The following CDH8 variants were observed in gnomAD, a reference collection of about 807,000 sequenced individuals.
CDH8 encodes cadherin 8.
CDH8 carries 17 observed loss-of-function variants against 68.1 expected under a neutral mutation model. The ratio of observed to expected loss-of-function variants is 0.25; its 90% CI spans 0.17 to 0.37. The LOEUF (loss-of-function observed/expected upper bound fraction) is 0.37. CDH8 is among the 10% of genes least tolerant of loss of function. The probability of loss-of-function intolerance (pLI) is 1.00; values close to 1 mark genes in which losing one functional copy is unlikely to be tolerated. For missense variants in CDH8, 763 were observed against 999.3 expected (o/e 0.76, Z 3.19); for synonymous variants, 372 against 365.1 (o/e 1.02, Z -0.21).
At chr16:61,762,561 G>A (rs1960496909) in intron 8 of CDH8, among the ~76,000 whole-genome samples, 1 of 152,112 alleles carries the variant, frequency 6.6e-6, no homozygotes, top group Admixed American at 6.6e-5. Flanking sequence ...ACTGCAGTAT[G>A]AGTGTTGCTT....
intron 10 of CDH8, among the ~76,000 whole-genome samples, chr16:61,678,931 T>C (rs1051893070): frequency 6.6e-6 from 1 of 152,032 alleles, no homozygotes; most frequent in Non-Finnish European, 1.5e-5. Flanking sequence ...AATACTTACA[T>C]AGACAATGTC....
intron 8 of CDH8, among the ~76,000 whole-genome samples, chr16:61,749,948 G>C (rs1034746166): frequency 5.9e-5 from 9 of 151,952 alleles, no homozygotes; most frequent in Non-Finnish European, 8.8e-5. Flanking sequence ...ACATGTGCAG[G>C]CTTGTTACCT....
At chr16:61,881,667 A>G (rs1429494509) in intron 3 of CDH8, among the ~76,000 whole-genome samples, 1 of 152,262 alleles carries the variant, frequency 6.6e-6, no homozygotes, top group Non-Finnish European at 1.5e-5. Context: ...TTATTGAAAT[A>G]TCACATGCCA....
At chr16:61,687,047 C>T (rs919461160) in intron 10 of CDH8, among the ~76,000 whole-genome samples, 9 of 151,832 alleles carry the variant, frequency 5.9e-5, no homozygotes, top group Admixed American at 3.3e-4. Flanking sequence ...TCCTTTACTA[C>T]GGTACTGTAA....
At chr16:61,706,229 C>G (rs16963871) in intron 10 of CDH8, among the ~76,000 whole-genome samples, 1 of 152,056 alleles carries the variant, frequency 6.6e-6, no homozygotes, top group South Asian at 2.1e-4. Context: ...GAAGCCAATA[C>G]CTGAGTTATT....
intron 8 of CDH8, among the ~76,000 whole-genome samples, chr16:61,754,271 A>C (rs549039880): frequency 1.3e-5 from 2 of 152,314 alleles, no homozygotes; most frequent in South Asian, 4.1e-4. Flanking sequence ...TGAAGGTTAA[A>C]ATCAAAGCCA....
intron 8 of CDH8, among the ~76,000 whole-genome samples, chr16:61,754,864 C>T (rs2142955451): frequency 6.6e-6 from 1 of 152,154 alleles, no homozygotes; most frequent in Non-Finnish European, 1.5e-5. Context: ...TGAATGGCCC[C>T]ATCAACCAGG....
intron 3 of CDH8, among the ~76,000 whole-genome samples, chr16:61,873,014 G>C (rs1241436270): frequency 6.6e-6 from 1 of 152,160 alleles, no homozygotes; most frequent in African/African-American, 2.4e-5. Context: ...ACATTCAGAA[G>C]AGCCTGGGAA....
intron 8 of CDH8, among the ~76,000 whole-genome samples, chr16:61,741,369 G>A (rs1411996247): frequency 6.6e-6 from 1 of 152,070 alleles, no homozygotes; most frequent in Non-Finnish European, 1.5e-5. Context: ...ATCATTTGAT[G>A]AGCATAAATT....
rs192027647 is a variant in CDH8 at position 61,843,445 on chromosome 16, A to G, written c.667+13674T>C. On this transcript the variant is annotated intron_variant, in intron 4 of 11. Transcript: ENST00000577390. ...GCTATGATCATTCATCCTTAGATAT[A>G]AAGAAATGGGATCTCAGGGATATGG... 1.2e-4 allele frequency among the ~76,000 whole-genome samples: 19 copies of G among 152,300 alleles called. No individual in the cohort carries two copies. The East Asian group carries it at 3.5e-3, about 28-fold the overall frequency.
chr16:61,746,824 C>T (rs1218973180), intron 8 of CDH8, among the ~76,000 whole-genome samples: 1 of 152,046 alleles, frequency 6.6e-6, no homozygotes, highest in African/African-American at 2.4e-5. Context: ...ACCGCTTTTC[C>T]TCAGTCTATG....
intron 10 of CDH8, among the ~76,000 whole-genome samples, chr16:61,699,757 C>G (rs1193394685): frequency 6.6e-6 from 1 of 151,834 alleles, no homozygotes; most frequent in African/African-American, 2.4e-5. Context: ...ATATTTTTAG[C>G]AGAGATGGGG....
At chr16:61,933,907 A>G (rs1335724398) in intron 2 of CDH8, among the ~76,000 whole-genome samples, 4 of 152,288 alleles carry the variant, frequency 2.6e-5, no homozygotes, top group African/African-American at 9.6e-5. Context: ...AAATACATGG[A>G]TTTATTTTTC....
intron 4 of CDH8, among the ~76,000 whole-genome samples, chr16:61,839,055 A>G (rs1046541105): frequency 6.6e-6 from 1 of 152,154 alleles, no homozygotes; most frequent in African/African-American, 2.4e-5. Context: ...AGAATTTTCT[A>G]ACTCTAATTC....
chr16:61,919,042 C>G lies in CDH8; in HGVS notation c.253-17569G>C, dbSNP rs187883721. Reference sequence around the variant, plus strand: ...GAGCAGCCTAACTGGGAGGCACCCCCCAGCAGGGGCATACTGACACCTCAC... The same window carrying G: ...GAGCAGCCTAACTGGGAGGCACCCCGCAGCAGGGGCATACTGACACCTCAC... On this transcript the variant is annotated intron_variant, in intron 2 of 11. Transcript: ENST00000577390. Among the ~76,000 whole-genome samples the G allele has an allele frequency of 2.9e-3, 425 of 147,224 alleles. 30 individuals are homozygous for G. Among genetic ancestry groups the G allele is most frequent in the African/African-American group, 0.01 (407 of 39,832 alleles).
At chr16:61,775,490 C>A (rs902124903) in intron 8 of CDH8, among the ~76,000 whole-genome samples, 2 of 152,026 alleles carry the variant, frequency 1.3e-5, no homozygotes, top group African/African-American at 4.8e-5. Context: ...CTCCTCTCAT[C>A]AAGAGATGAC....
chr16:62,006,791 G>T (rs1965982769), intron 2 of CDH8, among the ~76,000 whole-genome samples: 3 of 152,100 alleles, frequency 2.0e-5, no homozygotes. Flanking sequence ...GGCCATTTTA[G>T]ATCATTTTAA....
intron 2 of CDH8, chr16:61,940,506 TCTC>T (rs1199832678): frequency 6.6e-6 from 1 of 152,096 alleles, no homozygotes; most frequent in African/African-American, 2.4e-5. Context: ...TTCAAGCAGT[TCTC>T]CTACCTCAGC....
At chr16:61,881,656 T>C (rs535908289) in intron 3 of CDH8, among the ~76,000 whole-genome samples, 5 of 152,322 alleles carry the variant, frequency 3.3e-5, no homozygotes, top group Admixed American at 2.0e-4. Flanking sequence ...AAAACTGACA[T>C]TTATTGAAAT....
Sources: allele counts gnomAD v4.1 joint callset (sites outside exome capture counted in the v4.1 genomes callset), GRCh38; gene constraint gnomAD v4.1.1; transcripts MANE v1.5; gene names NCBI Gene and HGNC (gene_info 2026-07-23, HGNC 2026-07-21).